The following PDZD2 variants were observed in gnomAD, a reference collection of about 807,000 sequenced individuals.
PDZD2 encodes PDZ domain containing 2.
Under a neutral mutation model 220.7 loss-of-function variants are expected in PDZD2, and 90 were observed. The ratio of observed to expected loss-of-function variants is 0.41; its 90% CI spans 0.34 to 0.49. PDZD2 has a LOEUF of 0.49. Among genes scored for constraint, PDZD2 ranks in the 20% least tolerant of loss-of-function variants. The probability of loss-of-function intolerance (pLI) is 0.28; values close to 1 mark genes in which losing one functional copy is unlikely to be tolerated. For missense variants in PDZD2, 3,174 were observed against 3,608.5 expected (o/e 0.88, Z 3.08); for synonymous variants, 1,375 against 1,450.5 (o/e 0.95, Z 1.18).
At chr5:32,018,380 G>A (rs1213373021) in intron 6 of PDZD2, among the ~76,000 whole-genome samples, 3 of 152,218 alleles carry the variant, frequency 2.0e-5, no homozygotes, top group Non-Finnish European at 4.4e-5. Context: ...ACAAAGGGAG[G>A]TTTTAGGCCC....
chr5:31,960,515 G>A (rs1447485242), intron 2 of PDZD2, among the ~76,000 whole-genome samples: 6 of 152,122 alleles, frequency 3.9e-5, no homozygotes, highest in African/African-American at 1.4e-4. Context: ...GGCCAACCCA[G>A]ATGCTTTCTA....
intron 2 of PDZD2, among the ~76,000 whole-genome samples, chr5:31,823,990 G>A (rs923013210): frequency 6.6e-6 from 1 of 152,154 alleles, no homozygotes; most frequent in African/African-American, 2.4e-5. Context: ...GAATTTCCTT[G>A]ACCTCAACTT....
chr5:31,940,959 A>AC (rs1299958091), intron 2 of PDZD2, among the ~76,000 whole-genome samples: 1 of 150,842 alleles, frequency 6.6e-6, no homozygotes, highest in African/African-American at 2.4e-5. Flanking sequence ...ATGCCCCCCC[A>AC]CCAAAAAAAA....
At chr5:32,079,306 C>A (rs1341182529) in intron 19 of PDZD2, among the ~76,000 whole-genome samples, 1 of 149,416 alleles carries the variant, frequency 6.7e-6, no homozygotes, top group African/African-American at 2.5e-5. Flanking sequence ...AATCTGGATT[C>A]TAAACTTGCA....
At chr5:31,771,309 A>G (rs1242097090) in intron 1 of PDZD2, among the ~76,000 whole-genome samples, 2 of 152,228 alleles carry the variant, frequency 1.3e-5, no homozygotes. Flanking sequence ...TATCTTGTGC[A>G]TGCTACCTGT....
At chr5:31,762,146 C>T (rs1387630793) in intron 1 of PDZD2, among the ~76,000 whole-genome samples, 1 of 152,216 alleles carries the variant, frequency 6.6e-6, no homozygotes, top group Non-Finnish European at 1.5e-5. Flanking sequence ...CTACCAGGCT[C>T]CACCTCCAAC....
At chr5:31,885,748 T>G (rs879568724) in intron 2 of PDZD2, among the ~76,000 whole-genome samples, 6 of 152,166 alleles carry the variant, frequency 3.9e-5, no homozygotes, top group Admixed American at 1.3e-4. Flanking sequence ...GTGATGATTT[T>G]TTTTCTATAC....
intron 1 of PDZD2, among the ~76,000 whole-genome samples, chr5:31,715,328 G>A (rs1288556577): frequency 2.0e-5 from 3 of 152,180 alleles, no homozygotes; most frequent in Non-Finnish European, 2.9e-5. Context: ...ACATACCTGG[G>A]AAGGTTCATA....
intron 1 of PDZD2, among the ~76,000 whole-genome samples, chr5:31,681,803 G>A (rs987585521): frequency 6.6e-6 from 1 of 152,152 alleles, no homozygotes; most frequent in African/African-American, 2.4e-5. Flanking sequence ...TGCTCTCAGG[G>A]CATGTGATGC....
At position 32,048,561 on chromosome 5, in the gene PDZD2, A is replaced by C; in HGVS notation, c.1542A>C (p.Ser514=). The C allele has an allele frequency of 6.2e-7, 1 of 1,613,868 alleles. No individual in the cohort carries two copies. The highest frequency in any genetic ancestry group is 8.5e-7 in the Non-Finnish European group (1 of 1,179,824). ...RLSGGVHRLE[S]VEEYNELMVR... is the part of the protein sequence containing the mutation. Reference sequence around the variant, plus strand: ...AAGGGGGTGTACACCGCCTTGAGTCAGTTGAAGAATATAACGAGCTGATGG... The same window carrying C: ...AAGGGGGTGTACACCGCCTTGAGTCCGTTGAAGAATATAACGAGCTGATGG... The change falls in exon 8 of 25, where the codon TCA becomes TCC. Residue 514 remains serine, a synonymous_variant. Coordinates refer to ENST00000438447, the MANE Select transcript of PDZD2 (RefSeq NM_178140.4).
intron 2 of PDZD2, among the ~76,000 whole-genome samples, chr5:31,967,177 G>A (rs12652010): frequency 0.3 from 45,553 of 151,986 alleles, 7,294 homozygotes; most frequent in East Asian, 0.6. Flanking sequence ...AGGCAAGCTG[G>A]GGAAATTGTT....
chr5:31,903,049 T>C (rs1742243343), intron 2 of PDZD2, among the ~76,000 whole-genome samples: 4 of 151,804 alleles, frequency 2.6e-5, no homozygotes, highest in Admixed American at 2.6e-4. Flanking sequence ...AAAAATTACA[T>C]TTTGGGAGGC....
chr5:32,087,481 C>T lies in PDZD2; in HGVS notation c.4033C>T (p.Leu1345Phe). 6.2e-7 allele frequency: 1 copy of T among 1,613,562 alleles called. No individual in the cohort carries two copies. Among genetic ancestry groups the T allele is most frequent in the Non-Finnish European group, 8.5e-7 (1 of 1,179,710 alleles). Reference protein sequence around the residue: ...PAGAVLPGDPLTSQEQRQGAP... With the variant: ...PAGAVLPGDPFTSQEQRQGAP... ...TGGTGCTGTCCTGCCAGGAGACCCC[C>T]TCACATCCCAGGAGCAGAGACAGGG... Residue 1345 changes from leucine (L) to phenylalanine (F), a missense_variant, in exon 20 of 25, where the codon CTC (leucine) becomes TTC (phenylalanine). This residue lies in a region of PDZD2 where 1,861 missense variants were observed against 2,001.0 expected (regional missense o/e 0.93). Coordinates refer to ENST00000438447, the MANE Select transcript of PDZD2 (RefSeq NM_178140.4). This position sits in a 1 kb window ranked among gnomAD's most constrained non-coding sequence, Gnocchi z 4.0.
intron 2 of PDZD2, among the ~76,000 whole-genome samples, chr5:31,896,971 ACTT>A (rs1160233097): frequency 6.6e-6 from 1 of 152,014 alleles, no homozygotes; most frequent in Non-Finnish European, 1.5e-5. Flanking sequence ...TACAAAGAAA[ACTT>A]CTTTTATAGC....
chr5:32,090,603 A>G lies in PDZD2; in HGVS notation c.7155A>G (p.Pro2385=). The G allele has an allele frequency of 6.2e-7, 1 of 1,614,070 alleles. No homozygotes were observed. Among genetic ancestry groups the G allele is most frequent in the East Asian group, 2.2e-5 (1 of 44,864 alleles). Residue 2385 remains proline (P), a synonymous_variant, in exon 20 of 25, where the codon CCA becomes CCG. Transcript: ENST00000438447. This position sits in a 1 kb window ranked among gnomAD's most constrained non-coding sequence, Gnocchi z 4.3. The stretch of plus-strand genomic sequence containing the variant: ...TTGTTTCCGGGAGCCTGGGCCACCC[A>G]GGTGACGCAGCAGCAAGGTTGTTGA... The part of the protein sequence containing the change: ...GSIVSGSLGH[P]GDAAARLLRR...
chr5:31,899,087 A>G (rs949557569), intron 2 of PDZD2, among the ~76,000 whole-genome samples: 2 of 151,374 alleles, frequency 1.3e-5, no homozygotes, highest in African/African-American at 4.9e-5. Context: ...TCGGCCTCCC[A>G]AAGTGCTGGG....
chr5:31,677,287 C>A (rs952920751), intron 1 of PDZD2, among the ~76,000 whole-genome samples: 9 of 151,996 alleles, frequency 5.9e-5, no homozygotes, highest in Non-Finnish European at 1.2e-4. Context: ...GAGAGTGAGA[C>A]CCTGTCTCTA....
chr5:32,049,308 A>G (rs1355012816), intron 8 of PDZD2, among the ~76,000 whole-genome samples: 3 of 152,200 alleles, frequency 2.0e-5, no homozygotes, highest in Non-Finnish European at 4.4e-5. Flanking sequence ...AACCAAGGCT[A>G]AGGCAGGCTC....
intron 1 of PDZD2, among the ~76,000 whole-genome samples, chr5:31,648,932 T>G (rs1745234456): frequency 6.6e-6 from 1 of 152,232 alleles, no homozygotes. Context: ...GTTTGGATAA[T>G]GTGTAATGTC....
Sources: allele counts gnomAD v4.1 joint callset (sites outside exome capture counted in the v4.1 genomes callset), GRCh38; gene constraint gnomAD v4.1.1; regional missense constraint gnomAD v4.1.1; non-coding constraint Gnocchi (gnomAD v3.1); transcripts MANE v1.5; gene names NCBI Gene and HGNC (gene_info 2026-07-23, HGNC 2026-07-21).